The following HEATR5A variants were observed in gnomAD, a reference collection of about 807,000 sequenced individuals.
HEATR5A encodes HEAT repeat containing 5A.
A neutral mutation model predicts 218.8 loss-of-function variants in HEATR5A; 178 were observed. The ratio of observed to expected loss-of-function variants is 0.81; its 90% CI spans 0.72 to 0.92. The LOEUF is 0.92. Among genes scored for constraint, HEATR5A ranks in the 40% least tolerant of loss-of-function variants. HEATR5A has a pLI of 0.00. For missense variants in HEATR5A, 2,420 were observed against 2,418.9 expected (o/e 1.00, Z -0.01); for synonymous variants, 864 against 871.6 (o/e 0.99, Z 0.15).
In HEATR5A at chr14:31,345,001, C is replaced by A; in HGVS notation, c.3058+86G>T. On this transcript the variant is annotated intron_variant, in intron 20 of 35. Transcript: ENST00000543095. ...TTAACAAAACATACAGCACCTATCACGTGCCAAGCATACAGACTAGGAACT... is the reference window on the plus strand; with the variant it reads ...TTAACAAAACATACAGCACCTATCAAGTGCCAAGCATACAGACTAGGAACT... The A allele has an allele frequency of 3.7e-6, 4 of 1,086,456 alleles. No homozygotes were observed. The South Asian group carries it at 4.6e-5, about 12-fold the overall frequency. 67.3% of individuals were successfully genotyped at this position (1,086,456 alleles called of 1,614,324 possible). A position where few individuals can be genotyped will look rare whatever the true frequency, so the allele number is the denominator to read the frequency against.
rs199961649 is a variant in HEATR5A, at chr14:31,293,573, G to A, written c.5873C>T (p.Ser1958Phe). 6.9e-5 allele frequency: 112 copies of A among 1,613,262 alleles called. No individual in the cohort carries two copies. Among genetic ancestry groups the A allele is most frequent in the African/African-American group, 6.5e-4 (49 of 74,840 alleles). ...LVACLLPILI[S>F]FLLDENSLGS... ...CAGAGAATTTTCATCCAAAAGGAAG[G>A]AAATGAGGATGGGCAAAAGACAGGC... The change falls in exon 36 of 36, where the codon TCC becomes TTC. Residue 1958 changes from serine (S) to phenylalanine (F), a missense_variant. Transcript: ENST00000543095.
chr14:31,308,493 G>A (rs989398430), intron 29 of HEATR5A, among the ~76,000 whole-genome samples: 12 of 121,126 alleles, frequency 9.9e-5, no homozygotes, highest in Admixed American at 1.9e-4. Context: ...GGCAACAAGA[G>A]CAAAACTCTG....
intron 33 of HEATR5A, among the ~76,000 whole-genome samples, chr14:31,301,483 T>G (rs557272693): frequency 1.4e-4 from 22 of 152,322 alleles, no homozygotes; most frequent in Middle Eastern, 3.4e-3. Flanking sequence ...ATATGCCAGG[T>G]AATAAGTGAG....
chr14:31,402,749 T>A, intron 2 of HEATR5A, 101 bp downstream of exon 2: 1 of 1,108,604 alleles, frequency 9.0e-7, no homozygotes, highest in Non-Finnish European at 1.3e-6. Flanking sequence ...TCTAACATTG[T>A]AAAGCTAAAT....
intron 21 of HEATR5A, among the ~76,000 whole-genome samples, chr14:31,339,170 T>C (rs1900761465): frequency 6.7e-6 from 1 of 149,276 alleles, no homozygotes; most frequent in African/African-American, 2.5e-5. Context: ...TATGTATGTA[T>C]ATATGAGAAG....
At chr14:31,392,184 T>C (rs1046268032) in intron 6 of HEATR5A, among the ~76,000 whole-genome samples, 3 of 152,212 alleles carry the variant, frequency 2.0e-5, no homozygotes, top group Admixed American at 2.0e-4. Context: ...CAAAAAGCAC[T>C]GCCAGGTGTG....
At chr14:31,375,759 C>T (rs1451026502) in intron 11 of HEATR5A, among the ~76,000 whole-genome samples, 3 of 151,906 alleles carry the variant, frequency 2.0e-5, no homozygotes, top group Non-Finnish European at 4.4e-5. Flanking sequence ...TAATCAGATA[C>T]AAAATGTCTG....
intron 10 of HEATR5A, among the ~76,000 whole-genome samples, chr14:31,381,462 C>T (rs891355286): frequency 8.8e-5 from 13 of 147,510 alleles, no homozygotes; most frequent in Admixed American, 6.3e-4. Context: ...GTGGGAGGAC[C>T]AATTGAGGCC....
Position 31,306,820 on chromosome 14 carries a change from A to C in HEATR5A, c.4878T>G (p.Pro1626=). The C allele has an allele frequency of 6.2e-7, 1 of 1,613,664 alleles. No individual in the cohort carries two copies. The highest frequency in any genetic ancestry group is 8.5e-7 in the Non-Finnish European group (1 of 1,179,648). ...CTTCAAGTGAAGCCAACTGAATGGA[A>C]GGTGATTCTCTGGTTAAAATTACTC... ...LHRVILTRES[P]SIQLASLEVV... is the part of the protein sequence containing the mutation. The change falls in exon 31 of 36, where the codon CCT becomes CCG. Residue 1626 remains proline, a synonymous_variant. Coordinates refer to ENST00000543095, the MANE Select transcript of HEATR5A (RefSeq NM_015473.4).
chr14:31,368,008 T>C (rs756662605), intron 13 of HEATR5A, among the ~76,000 whole-genome samples: 4 of 152,148 alleles, frequency 2.6e-5, no homozygotes, highest in African/African-American at 9.7e-5. Flanking sequence ...AATCCTGCTA[T>C]GGGGTCTGAA....
chr14:31,375,489 C>A (rs1357799048), intron 11 of HEATR5A, among the ~76,000 whole-genome samples: 1 of 152,102 alleles, frequency 6.6e-6, no homozygotes, highest in Non-Finnish European at 1.5e-5. Context: ...CAATCTCAAC[C>A]CCCCTGAGCT....
intron 1 of HEATR5A, among the ~76,000 whole-genome samples, chr14:31,415,354 A>G (rs1278903295): frequency 6.6e-6 from 1 of 152,098 alleles, no homozygotes; most frequent in African/African-American, 2.4e-5. Context: ...TTCATGTCCT[A>G]CTCATGGAAT....
chr14:31,362,606 CA>C (rs71115003), intron 14 of HEATR5A, among the ~76,000 whole-genome samples: 17,182 of 44,284 alleles, frequency 0.39, 1,343 homozygotes, highest in Middle Eastern at 0.45. Flanking sequence ...CTACAAATGA[CA>C]AAAAAAAAAA....
intron 22 of HEATR5A, among the ~76,000 whole-genome samples, chr14:31,331,229 C>T (rs746821789): frequency 6.6e-5 from 10 of 152,036 alleles, no homozygotes; most frequent in Non-Finnish European, 1.0e-4. Context: ...CATGAGCCAC[C>T]GCACCCAGCC....
chr14:31,350,705 C>T lies in HEATR5A; in HGVS notation c.2424G>A (p.Leu808=), dbSNP rs779879933. The change falls in exon 17 of 36, where the codon TTG becomes TTA. Residue 808 remains leucine, a synonymous_variant. Transcript: ENST00000543095. ...HVGETQRLLI[L]EQLLDSIKHT... ...GCTTTATACTGTCCAAAAGCTGTTC[C>T]AATATAAGAAGCCTACAATCAGAAA... 4 of 1,567,344 alleles carry T rather than the reference C, an allele frequency of 2.6e-6. No homozygotes were observed. The Admixed American group carries it at 5.3e-5, about 21-fold the overall frequency.
chr14:31,354,349 T>C (rs770888015), intron 16 of HEATR5A, among the ~76,000 whole-genome samples: 24 of 152,326 alleles, frequency 1.6e-4, no homozygotes, highest in South Asian at 1.2e-3. Flanking sequence ...AGTTGACCTA[T>C]ACAATTATTT....
In HEATR5A at chr14:31,292,599, T is replaced by G. The variant is rs540153684; in HGVS notation, c.*706A>C. 1 of 152,174 alleles carries G rather than the reference T, an allele frequency of 6.6e-6. No individual in the cohort carries two copies. The highest frequency in any genetic ancestry group is 2.1e-4 in the South Asian group (1 of 4,820). 9.4% of individuals were successfully genotyped at this position (152,174 alleles called of 1,614,324 possible). ...TAAGGCAGAATTTTTTTTTTTTTTT[T>G]TTAGATGGAGTCTCACTCTGTCGCC... On this transcript the variant is annotated 3_prime_UTR_variant, in exon 36 of 36. Transcript: ENST00000543095.
At position 31,323,681 on chromosome 14, in the gene HEATR5A, G is replaced by A; in HGVS notation, c.3671C>T (p.Ala1224Val). 6.2e-7 allele frequency: 1 copy of A among 1,613,664 alleles called. No individual in the cohort carries two copies. Among genetic ancestry groups the A allele is most frequent in the Non-Finnish European group, 8.5e-7 (1 of 1,179,738 alleles). Reference sequence around the variant, plus strand: ...ACATTCAGCAGCAAAGACTCTAGTAGCCCATCGGGGATTGGTAAAAGGATG... The same window carrying A: ...ACATTCAGCAGCAAAGACTCTAGTAACCCATCGGGGATTGGTAAAAGGATG... The part of the protein sequence containing the change: ...KSHPFTNPRW[A>V]TRVFAAECVC... Residue 1224 changes from alanine (A) to valine (V), a missense_variant, in exon 24 of 36, where the codon GCT becomes GTT. Transcript: ENST00000543095.
chr14:31,344,957 A>C, intron 20 of HEATR5A, 130 bp downstream of exon 20: 1 of 718,244 alleles, frequency 1.4e-6, no homozygotes, highest in Non-Finnish European at 2.3e-6. Flanking sequence ...ATCAGGCTGA[A>C]TGGCATTTAT....
Sources: gnomAD v4.1 joint callset for allele counts (sites outside exome capture counted in the v4.1 genomes callset) on GRCh38, gnomAD v4.1.1 for gene constraint, MANE v1.5 for transcripts, NCBI Gene and HGNC (gene_info 2026-07-23, HGNC 2026-07-21) for gene names.